Variants in ATP2C1 observed in about 807,000 individuals in gnomAD.
The protein encoded by ATP2C1 is calcium-transporting ATPase type 2C member 1.
In ATP2C1, 31 loss-of-function variants were observed where a neutral mutation model predicts 120.5. The observed-to-expected ratio is 0.26, with a 90% CI of 0.19 to 0.35. The LOEUF is 0.35. ATP2C1 is among the 10% of genes least tolerant of loss of function. ATP2C1 has a pLI of 1.00. For synonymous variants in ATP2C1, 351 were observed against 358.7 expected (o/e 0.98, Z 0.24); for missense variants, 731 against 1,107.5 (o/e 0.66, Z 4.83).
intron 2 of ATP2C1, among the ~76,000 whole-genome samples, chr3:130,921,086 T>TG (rs568584012): frequency 1.2e-3 from 173 of 149,176 alleles, no homozygotes; most frequent in Non-Finnish European, 2.2e-3. Flanking sequence ...TTTCTTTTTT[T>TG]TTTTTTTTTT....
intron 10 of ATP2C1, 73 bp downstream of exon 10, chr3:130,955,153 A>G (rs2060525154): frequency 1.0e-6 from 1 of 995,912 alleles, no homozygotes; most frequent in South Asian, 1.3e-5. Flanking sequence ...AGAATGTTGG[A>G]TTATTTTATA....
chr3:130,907,352 A>G lies in ATP2C1; in HGVS notation c.6+12577A>G, dbSNP rs77260152. Among the ~76,000 whole-genome samples the G allele has an allele frequency of 6.5e-3, 986 of 152,178 alleles. 7 individuals carry two copies. Among genetic ancestry groups the G allele is most frequent in the Non-Finnish European group, 9.9e-3 (670 of 67,924 alleles). ...TTCTTTTATTGTTTGTGCTTTATAT[A>G]TCTAGGAAACCATTGCCTGATTCAA... On this transcript the variant is annotated intron_variant, in intron 2 of 27. Transcript: ENST00000510168.
intron 17 of ATP2C1, among the ~76,000 whole-genome samples, chr3:130,969,808 GA>G (rs1210136793): frequency 6.6e-6 from 1 of 152,100 alleles, no homozygotes; most frequent in Non-Finnish European, 1.5e-5. Context: ...CTTACTTTTT[GA>G]AAAGTAGTTT....
At chr3:130,908,931 TG>T (rs1436552911) in intron 2 of ATP2C1, among the ~76,000 whole-genome samples, 5 of 152,192 alleles carry the variant, frequency 3.3e-5, no homozygotes, top group Admixed American at 3.3e-4. Flanking sequence ...ATTGTAAGTA[TG>T]GGAGAAAAAT....
At chr3:130,943,611 A>G (rs915154486) in intron 8 of ATP2C1, among the ~76,000 whole-genome samples, 1 of 152,190 alleles carries the variant, frequency 6.6e-6, no homozygotes, top group Non-Finnish European at 1.5e-5. Context: ...CTTTGCAAGC[A>G]CTTCATCAGC....
intron 2 of ATP2C1, among the ~76,000 whole-genome samples, chr3:130,907,316 T>C (rs1257151467): frequency 1.3e-5 from 2 of 152,118 alleles, no homozygotes; most frequent in African/African-American, 2.4e-5. Context: ...AAGTCCAATT[T>C]ATATATGTGT....
intron 19 of ATP2C1, among the ~76,000 whole-genome samples, chr3:130,980,115 C>A (rs1350559967): frequency 2.0e-5 from 3 of 152,192 alleles, no homozygotes; most frequent in African/African-American, 7.2e-5. Context: ...TACCACAGAT[C>A]CACCACCATT....
At chr3:130,942,475 A>G (rs1009590941) in intron 8 of ATP2C1, among the ~76,000 whole-genome samples, 2 of 152,204 alleles carry the variant, frequency 1.3e-5, no homozygotes, top group Non-Finnish European at 2.9e-5. Flanking sequence ...CTTATCCACC[A>G]TTGGAATTAA....
chr3:130,959,775 G>A (rs2060741566), intron 12 of ATP2C1, among the ~76,000 whole-genome samples: 1 of 151,978 alleles, frequency 6.6e-6, no homozygotes, highest in Admixed American at 6.6e-5. Context: ...ATAAATTGTT[G>A]TAGAAAAGGA....
rs967761573 is a variant in ATP2C1, at chr3:131,002,171, CAT to C, written c.*822_*823del. On this transcript the variant is annotated 3_prime_UTR_variant, in exon 28 of 28. Transcript: ENST00000510168. Reference sequence around the variant, plus strand: ...TGAAGTTTATAATAAATTATATTAACATGTCTTCCTTTTTGAGGTAAAGATAT... The same window carrying C: ...TGAAGTTTATAATAAATTATATTAACGTCTTCCTTTTTGAGGTAAAGATAT... 3.1e-6 allele frequency: 3 copies of C among 976,480 alleles called. No homozygotes were observed. Among genetic ancestry groups the C allele is most frequent in the African/African-American group, 1.8e-5 (1 of 57,036 alleles). 60.5% of individuals were successfully genotyped at this position (976,480 alleles called of 1,614,324 possible).
intron 4 of ATP2C1, among the ~76,000 whole-genome samples, chr3:130,934,174 G>A (rs1383263895): frequency 6.6e-6 from 1 of 151,406 alleles, no homozygotes; most frequent in Non-Finnish European, 1.5e-5. Context: ...ATTTTTCTGT[G>A]ATATGTGAGT....
intron 1 of ATP2C1, among the ~76,000 whole-genome samples, chr3:130,860,869 AAATCTTTT>A (rs2067992342): frequency 6.6e-6 from 1 of 152,248 alleles, no homozygotes; most frequent in East Asian, 1.9e-4. Context: ...AAGATACCTT[AAATCTTTT>A]TTAGAATGAG....
chr3:130,880,214 AC>A (rs747722807), intron 1 of ATP2C1, among the ~76,000 whole-genome samples: 6 of 152,282 alleles, frequency 3.9e-5, no homozygotes, highest in South Asian at 4.1e-4. Context: ...AATATTCTAC[AC>A]TGGGACACTG....
chr3:130,917,355 G>A (rs1288955551), intron 2 of ATP2C1, among the ~76,000 whole-genome samples: 1 of 152,180 alleles, frequency 6.6e-6, no homozygotes. Context: ...TTAACTACCA[G>A]GTAAAAGACA....
intron 16 of ATP2C1, among the ~76,000 whole-genome samples, chr3:130,968,955 A>G (rs2061173731): frequency 6.6e-6 from 1 of 152,136 alleles, no homozygotes; most frequent in Non-Finnish European, 1.5e-5. Context: ...ATAAAAATAC[A>G]TGCTCAGAAT....
At chr3:130,866,035 C>G (rs770674730) in intron 1 of ATP2C1, among the ~76,000 whole-genome samples, 1 of 152,136 alleles carries the variant, frequency 6.6e-6, no homozygotes, top group Non-Finnish European at 1.5e-5. Context: ...AGCTGAAACT[C>G]TAGAATCCTC....
At chr3:130,889,136 T>C (rs190831070), upstream of ATP2C1, among the ~76,000 whole-genome samples, 159 of 152,270 alleles carry the variant, frequency 1.0e-3, no homozygotes, top group South Asian at 3.7e-3. Context: ...AGGGTACACA[T>C]GTACACACAC....
chr3:130,924,527 T>C (rs1045992297), intron 2 of ATP2C1, among the ~76,000 whole-genome samples: 1 of 152,194 alleles, frequency 6.6e-6, no homozygotes, highest in African/African-American at 2.4e-5. Context: ...ATCTTGACTT[T>C]AGGTAATGAT....
At position 130,932,070 on chromosome 3, in the gene ATP2C1, G is replaced by A; in HGVS notation, c.166G>A (p.Ala56Thr). The stretch of plus-strand genomic sequence containing the variant: ...CAAATGTGAAGTTAGTCATAGGCGA[G>A]CCTTTCATGGCTGGAATGAGTTTGA... Reference protein sequence around the residue: ...LNKCEVSHRRAFHGWNEFDIS... With the variant: ...LNKCEVSHRRTFHGWNEFDIS... The change falls in exon 4 of 28, where the codon GCC becomes ACC. Residue 56 changes from alanine to threonine, a missense_variant. Ala to Thr is a moderately conservative substitution (Grantham distance 58). Transcript: ENST00000510168. 6.2e-7 allele frequency: 1 copy of A among 1,613,108 alleles called. No individual in the cohort carries two copies. Among genetic ancestry groups the A allele is most frequent in the Non-Finnish European group, 8.5e-7 (1 of 1,179,236 alleles).
Sources: gnomAD v4.1 joint callset for allele counts (sites outside exome capture counted in the v4.1 genomes callset) on GRCh38, gnomAD v4.1.1 for gene constraint, MANE v1.5 for transcripts, NCBI Gene and HGNC (gene_info 2026-07-23, HGNC 2026-07-21) for gene names.